Variants in APBB2 observed in about 807,000 individuals in gnomAD.
APBB2 encodes Fe65-like 1.
In APBB2, 38 loss-of-function variants were observed where a neutral mutation model predicts 82.5. The observed-to-expected ratio is 0.46, with a 90% confidence interval of 0.36 to 0.60. APBB2 has a LOEUF of 0.60. APBB2 is among the 20% of genes least tolerant of loss of function. The pLI, the probability that APBB2 is intolerant of heterozygous loss-of-function variation, is 0.00. For missense variants in APBB2, 772 were observed against 972.3 expected (o/e 0.79, Z 2.74); for synonymous variants, 341 against 368.2 (o/e 0.93, Z 0.85).
At chr4:40,999,715 T>G (rs141383219) in intron 6 of APBB2, among the ~76,000 whole-genome samples, 236 of 152,286 alleles carry the variant, frequency 1.5e-3, no homozygotes, top group African/African-American at 5.3e-3. Flanking sequence ...TTCAGTAAGA[T>G]CCCAAGGGCA....
At chr4:40,965,065 A>T (rs529673481) in intron 6 of APBB2, among the ~76,000 whole-genome samples, 1 of 152,050 alleles carries the variant, frequency 6.6e-6, no homozygotes, top group Non-Finnish European at 1.5e-5. Context: ...GGTTGCAGTG[A>T]GATGATATCA....
At chr4:41,064,406 C>T (rs571038992) in intron 4 of APBB2, among the ~76,000 whole-genome samples, 57 of 152,270 alleles carry the variant, frequency 3.7e-4, no homozygotes, top group African/African-American at 1.4e-3. Flanking sequence ...TATGAATAAG[C>T]ATAATTACAG....
chr4:41,133,928 A>G (rs1756792000), intron 2 of APBB2, among the ~76,000 whole-genome samples: 1 of 152,200 alleles, frequency 6.6e-6, no homozygotes, highest in Non-Finnish European at 1.5e-5. Flanking sequence ...TTCATGGAGT[A>G]GATGGCTGGG....
chr4:41,051,098 G>A (rs183570131), intron 4 of APBB2, among the ~76,000 whole-genome samples: 201 of 151,804 alleles, frequency 1.3e-3, no homozygotes, highest in Admixed American at 2.0e-3. Flanking sequence ...GAAGGAAAGC[G>A]GAAGTCAGGA....
intron 1 of APBB2, chr4:41,193,444 C>A: frequency 6.7e-6 from 2 of 299,400 alleles, no homozygotes; most frequent in Non-Finnish European, 9.9e-6. Context: ...AAGGTCACAG[C>A]TGGTGACAAA....
At chr4:41,185,985 G>A (rs1271723930) in intron 1 of APBB2, among the ~76,000 whole-genome samples, 1 of 152,098 alleles carries the variant, frequency 6.6e-6, no homozygotes, top group Non-Finnish European at 1.5e-5. Context: ...CTACTATACT[G>A]GTCTGTAACT....
At chr4:41,193,643 G>A in intron 1 of APBB2, 1 of 828,946 alleles carries the variant, frequency 1.2e-6, no homozygotes, top group South Asian at 5.5e-5. Flanking sequence ...TACTTCTGCA[G>A]GTCTCCCAGG....
chr4:41,122,874 G>A (rs961831015), intron 2 of APBB2, among the ~76,000 whole-genome samples: 2 of 151,740 alleles, frequency 1.3e-5, no homozygotes, highest in African/African-American at 2.4e-5. Flanking sequence ...CCTGTCCCTC[G>A]CCCCACCAAT....
chr4:41,033,621 C>CAA (rs1035550128), intron 4 of APBB2, among the ~76,000 whole-genome samples: 1 of 141,462 alleles, frequency 7.1e-6, no homozygotes, highest in African/African-American at 2.6e-5. Flanking sequence ...CACACACACA[C>CAA]AATTCAGCAC....
chr4:41,151,976 T>C (rs1762389057), intron 1 of APBB2, among the ~76,000 whole-genome samples: 1 of 152,150 alleles, frequency 6.6e-6, no homozygotes, highest in African/African-American at 2.4e-5. Context: ...ATTATCTTTC[T>C]GGAACTCAGA....
chr4:41,137,353 A>C (rs562406521), intron 2 of APBB2, among the ~76,000 whole-genome samples: 164 of 152,332 alleles, frequency 1.1e-3, no homozygotes, highest in Non-Finnish European at 1.7e-3. Flanking sequence ...AACAGGTATA[A>C]AAATGATTAC....
chr4:41,124,480 GATTACAGGCGTGAGCC>G (rs570265317), intron 2 of APBB2, among the ~76,000 whole-genome samples: 44 of 152,196 alleles, frequency 2.9e-4, no homozygotes, highest in Non-Finnish European at 4.1e-4. Context: ...AAAGTGCTGG[GATTACAGGCGTGAGCC>G]ACCGCGCCTG....
rs1386389411 is a variant in APBB2 at position 40,832,011 on chromosome 4, T to TACACACACACACACACACAC, written c.1530-1435_1530-1434insGTGTGTGTGTGTGTGTGTGT. Among the ~76,000 whole-genome samples, 88 of 49,544 alleles carry TACACACACACACACACACAC rather than the reference T, an allele frequency of 1.8e-3. No homozygotes were observed. The highest frequency in any genetic ancestry group is 4.3e-3 in the African/African-American group (82 of 19,122). The allele number at this position is 49,544 out of a possible 152,430, so 32.5% of individuals were successfully genotyped here. A position where few individuals can be genotyped will look rare whatever the true frequency, so the allele number is the denominator to read the frequency against. On this transcript the variant is annotated intron_variant, in intron 12 of 17. Transcript: ENST00000508593. This position sits in a 1 kb window ranked among gnomAD's most constrained non-coding sequence, Gnocchi z 4.8. ...ACACACATATTTATATATTTATTTA[T>TACACACACACACACACACAC]ATACACACACACACACACACACACA...
intron 12 of APBB2, among the ~76,000 whole-genome samples, chr4:40,866,521 C>T (rs1002944268): frequency 2.0e-5 from 3 of 152,116 alleles, no homozygotes; most frequent in African/African-American, 7.2e-5. Flanking sequence ...TCCTATTCCA[C>T]CTATGTGCCC....
chr4:40,823,594 T>G, intron 16 of APBB2, 50 bp downstream of exon 16: 1 of 1,330,972 alleles, frequency 7.5e-7, no homozygotes, highest in Non-Finnish European at 1.1e-6. Context: ...CCACTGTATC[T>G]TATACTCACT....
chr4:41,116,064 T>C (rs1289319377), intron 2 of APBB2, among the ~76,000 whole-genome samples: 2 of 152,194 alleles, frequency 1.3e-5, no homozygotes, highest in Non-Finnish European at 2.9e-5. Context: ...GGAAACAACC[T>C]AAATGCCCAT....
At chr4:41,210,955 C>A (rs936838877) in intron 1 of APBB2, among the ~76,000 whole-genome samples, 2 of 152,144 alleles carry the variant, frequency 1.3e-5, no homozygotes, top group Non-Finnish European at 2.9e-5. Context: ...TAATAGGACA[C>A]ATAAAAAGCA....
chr4:40,972,742 G>A (rs1796271008), intron 6 of APBB2, among the ~76,000 whole-genome samples: 1 of 152,214 alleles, frequency 6.6e-6, no homozygotes, highest in Non-Finnish European at 1.5e-5. Flanking sequence ...TGTGTCATGA[G>A]AGAAGTAACG....
At chr4:40,912,794 G>GA (rs1778898128) in intron 10 of APBB2, among the ~76,000 whole-genome samples, 1 of 152,084 alleles carries the variant, frequency 6.6e-6, no homozygotes, top group African/African-American at 2.4e-5. Flanking sequence ...TCTGAGTAAG[G>GA]GCCCATGGAA....
Sources: allele counts gnomAD v4.1 joint callset (sites outside exome capture counted in the v4.1 genomes callset), GRCh38; gene constraint gnomAD v4.1.1; non-coding constraint Gnocchi (gnomAD v3.1); transcripts MANE v1.5; gene names NCBI Gene and HGNC (gene_info 2026-07-23, HGNC 2026-07-21).